CTNNA3: variants seen among roughly 807,000 people sequenced by gnomAD.
CTNNA3 encodes the protein catenin alpha 3.
Under a neutral mutation model 95.7 loss-of-function variants are expected in CTNNA3, and 76 were observed. The observed-to-expected ratio is 0.79, with a 90% CI of 0.66 to 0.96. The LOEUF (loss-of-function observed/expected upper bound fraction) is 0.96, where lower values mean the gene tolerates loss of function less well. Ranked by LOEUF, CTNNA3 falls within the 40% of genes least tolerant of loss-of-function variation. The pLI, the probability that CTNNA3 is intolerant of heterozygous loss-of-function variation, is 0.00. For missense variants in CTNNA3, 1,191 were observed against 1,089.8 expected (o/e 1.09, Z -1.31); for synonymous variants, 431 against 374.4 (o/e 1.15, Z -1.74).
chr10:67,051,853 C>T (rs1855119677), intron 7 of CTNNA3, among the ~76,000 whole-genome samples: 1 of 151,896 alleles, frequency 6.6e-6, no homozygotes, highest in Non-Finnish European at 1.5e-5. Context: ...CTCAGGGGTT[C>T]AAGTGATTCT....
At chr10:66,211,507 G>A (rs1001519890) in intron 13 of CTNNA3, among the ~76,000 whole-genome samples, 1 of 152,154 alleles carries the variant, frequency 6.6e-6, no homozygotes, top group South Asian at 2.1e-4. Context: ...CTGCAGTTGG[G>A]GGATGCTTTG....
chr10:66,983,518 G>A (rs1434792893), intron 7 of CTNNA3, among the ~76,000 whole-genome samples: 1 of 150,408 alleles, frequency 6.6e-6, no homozygotes, highest in Non-Finnish European at 1.5e-5. Context: ...GTTCTTAATA[G>A]GTAGCCACTG....
chr10:67,363,366 A>G (rs1329358105), intron 5 of CTNNA3, among the ~76,000 whole-genome samples: 5 of 152,132 alleles, frequency 3.3e-5, no homozygotes, highest in Admixed American at 3.3e-4. Flanking sequence ...TTCAAACTAT[A>G]CTACAAGGCT....
chr10:67,385,078 A>T (rs1844099350), intron 5 of CTNNA3, among the ~76,000 whole-genome samples: 1 of 152,190 alleles, frequency 6.6e-6, no homozygotes, highest in African/African-American at 2.4e-5. Flanking sequence ...CTACCAAAAA[A>T]GGGCCTATTT....
chr10:67,279,960 A>C (rs1255095282), intron 5 of CTNNA3, among the ~76,000 whole-genome samples: 1 of 150,718 alleles, frequency 6.6e-6, no homozygotes, highest in Non-Finnish European at 1.5e-5. Context: ...TTCATAAAAG[A>C]TACCAAAAAT....
intron 16 of CTNNA3, among the ~76,000 whole-genome samples, chr10:65,969,777 A>G (rs911701154): frequency 6.6e-6 from 1 of 152,126 alleles, no homozygotes; most frequent in Non-Finnish European, 1.5e-5. Flanking sequence ...GGGATTATGT[A>G]AAGTGGCCAA....
intron 7 of CTNNA3, among the ~76,000 whole-genome samples, chr10:66,810,847 CCTT>C (rs1841847455): frequency 6.6e-6 from 1 of 152,118 alleles, no homozygotes; most frequent in African/African-American, 2.4e-5. Flanking sequence ...GAACTTGTGT[CCTT>C]CTTTCCAAGA....
chr10:66,634,699 C>T (rs980303926), intron 9 of CTNNA3, among the ~76,000 whole-genome samples: 2 of 151,712 alleles, frequency 1.3e-5, no homozygotes, highest in African/African-American at 4.8e-5. Context: ...CTCACACCTC[C>T]AATTCTATTC....
chr10:66,428,585 C>G (rs1238903570), intron 11 of CTNNA3, among the ~76,000 whole-genome samples: 1 of 152,084 alleles, frequency 6.6e-6, no homozygotes, highest in Non-Finnish European at 1.5e-5. Flanking sequence ...AACTAGAAGG[C>G]AGGATTAAGA....
chr10:66,290,338 A>C (rs1482724486), intron 12 of CTNNA3, among the ~76,000 whole-genome samples: 1 of 152,062 alleles, frequency 6.6e-6, no homozygotes, highest in African/African-American at 2.4e-5. Context: ...TACAGCAATT[A>C]AGTATAAAAT....
intron 7 of CTNNA3, among the ~76,000 whole-genome samples, chr10:67,110,059 C>A (rs1486788211): frequency 6.6e-6 from 1 of 151,980 alleles, no homozygotes; most frequent in Non-Finnish European, 1.5e-5. Context: ...ATACTGTATT[C>A]AAATAATTAT....
intron 1 of CTNNA3, among the ~76,000 whole-genome samples, chr10:67,652,235 T>G (rs1839897356): frequency 2.0e-5 from 3 of 152,212 alleles, no homozygotes; most frequent in Admixed American, 6.5e-5. Context: ...GGCTCCACCA[T>G]TCTAATATCA....
intron 9 of CTNNA3, among the ~76,000 whole-genome samples, chr10:66,748,107 T>C (rs1838962259): frequency 6.6e-6 from 1 of 152,076 alleles, no homozygotes; most frequent in Admixed American, 6.6e-5. Context: ...ATCAGCACCA[T>C]CTCATGCCAA....
Position 67,522,933 on chromosome 10 carries a change from G to A in CTNNA3, c.460-972C>T, listed in dbSNP as rs576811015. Among the ~76,000 whole-genome samples the A allele has an allele frequency of 4.6e-5, 7 of 152,234 alleles. No individual in the cohort carries two copies. The South Asian group carries it at 1.5e-3, about 32-fold the overall frequency. On this transcript the variant is annotated intron_variant, in intron 4 of 17. Transcript: ENST00000433211. ...CATTAGACAGATTTCTACAGATAGA[G>A]ACTTGACCATCTTAAACACACCAGA... is the stretch of plus-strand genomic sequence containing the variant.
chr10:67,341,194 C>G (rs144958061), intron 5 of CTNNA3, among the ~76,000 whole-genome samples: 1 of 152,260 alleles, frequency 6.6e-6, no homozygotes, highest in African/African-American at 2.4e-5. Flanking sequence ...GTGTTACAAT[C>G]AAATTACACT....
At chr10:66,228,184 A>C (rs1414460014) in intron 13 of CTNNA3, among the ~76,000 whole-genome samples, 2 of 151,464 alleles carry the variant, frequency 1.3e-5, no homozygotes, top group Non-Finnish European at 2.9e-5. Context: ...TTTTGCTCTG[A>C]ATTTTATTAT....
At chr10:67,307,293 A>G (rs565209745) in intron 5 of CTNNA3, among the ~76,000 whole-genome samples, 1 of 152,326 alleles carries the variant, frequency 6.6e-6, no homozygotes, top group African/African-American at 2.4e-5. Flanking sequence ...AAAGGAAATC[A>G]ACTTGTCAAC....
At chr10:67,290,004 C>T (rs2132465917) in intron 5 of CTNNA3, among the ~76,000 whole-genome samples, 1 of 152,132 alleles carries the variant, frequency 6.6e-6, no homozygotes, top group South Asian at 2.1e-4. Flanking sequence ...CAGGGTCTCA[C>T]TGTGTTGCCC....
chr10:67,299,134 T>C (rs1840161969), intron 5 of CTNNA3, among the ~76,000 whole-genome samples: 1 of 152,114 alleles, frequency 6.6e-6, no homozygotes, highest in Non-Finnish European at 1.5e-5. Context: ...CTTGACCTCA[T>C]GATCCACTCG....
Sources: gnomAD v4.1 joint callset for allele counts (sites outside exome capture counted in the v4.1 genomes callset) on GRCh38, gnomAD v4.1.1 for gene constraint, MANE v1.5 for transcripts, NCBI Gene and HGNC (gene_info 2026-07-23, HGNC 2026-07-21) for gene names.